Variants in PTPRM observed in about 807,000 individuals in gnomAD.
PTPRM encodes the protein protein tyrosine phosphatase receptor type M, also known as receptor-type tyrosine-protein phosphatase mu.
In PTPRM, 47 loss-of-function variants were observed where a neutral mutation model predicts 186.7. That is an observed-to-expected ratio of 0.25 (90% confidence interval 0.20 to 0.32). The LOEUF (loss-of-function observed/expected upper bound fraction) is 0.32, where lower values mean the gene tolerates loss of function less well. Ranked by LOEUF, PTPRM falls within the 10% of genes least tolerant of loss-of-function variation. The probability of loss-of-function intolerance (pLI) is 1.00; values close to 1 mark genes in which losing one functional copy is unlikely to be tolerated. For synonymous variants in PTPRM, 668 were observed against 674.9 expected, an observed-to-expected ratio of 0.99 and a Z score of 0.16; for missense variants, 1,494 against 1,865.0, an observed-to-expected ratio of 0.80 and a Z score of 3.66.
At chr18:7,889,742 T>TGAGTCATAA (rs111745958) in intron 3 of PTPRM, among the ~76,000 whole-genome samples, 64,331 of 151,478 alleles carry the variant, frequency 0.42, 16,341 homozygotes, top group African/African-American at 0.7. Context: ...CAGGAGTAAA[T>TGAGTCATAA]GAGATGAGCC....
At chr18:8,226,025 A>C (rs757870820) in intron 14 of PTPRM, among the ~76,000 whole-genome samples, 1 of 152,226 alleles carries the variant, frequency 6.6e-6, no homozygotes, top group Non-Finnish European at 1.5e-5. Context: ...ACATTTGAAA[A>C]GATGTGAAAC....
At chr18:8,374,677 G>A (rs571574822) in intron 24 of PTPRM, among the ~76,000 whole-genome samples, 31 of 152,184 alleles carry the variant, frequency 2.0e-4, no homozygotes, top group East Asian at 5.8e-4. Flanking sequence ...GTGAATCCCC[G>A]ACTGCTTAAT....
chr18:7,654,605 T>G (rs905851374), intron 1 of PTPRM, among the ~76,000 whole-genome samples: 1 of 152,192 alleles, frequency 6.6e-6, no homozygotes, highest in African/African-American at 2.4e-5. Context: ...TTTAAAGTCT[T>G]TAATCCATCT....
chr18:8,089,743 A>G (rs973210663), intron 11 of PTPRM, among the ~76,000 whole-genome samples: 22 of 152,108 alleles, frequency 1.4e-4, no homozygotes, highest in African/African-American at 5.3e-4. Flanking sequence ...ACACCTGGCT[A>G]TATTTGATCA....
intron 22 of PTPRM, among the ~76,000 whole-genome samples, chr18:8,333,158 C>T (rs1280771993): frequency 3.9e-5 from 6 of 152,136 alleles, no homozygotes; most frequent in Non-Finnish European, 8.8e-5. Flanking sequence ...CTTAGCAATT[C>T]GGGATAATGA....
chr18:8,137,934 G>A (rs1225138231), intron 13 of PTPRM, among the ~76,000 whole-genome samples: 1 of 152,076 alleles, frequency 6.6e-6, no homozygotes, highest in African/African-American at 2.4e-5. Context: ...CTCCCTGAAG[G>A]AAGAGGCACA....
chr18:7,950,364 C>G (rs1383746950), intron 6 of PTPRM, among the ~76,000 whole-genome samples: 1 of 152,090 alleles, frequency 6.6e-6, no homozygotes, highest in African/African-American at 2.4e-5. Flanking sequence ...TGATTGTGCC[C>G]CTGCATTCCA....
intron 3 of PTPRM, among the ~76,000 whole-genome samples, chr18:7,891,776 G>A (rs1331958681): frequency 6.6e-6 from 1 of 152,134 alleles, no homozygotes; most frequent in Non-Finnish European, 1.5e-5. Flanking sequence ...TTGGGAGGCT[G>A]AGGCACAAGA....
intron 14 of PTPRM, among the ~76,000 whole-genome samples, chr18:8,207,004 T>C (rs1390112590): frequency 6.6e-6 from 1 of 152,162 alleles, no homozygotes; most frequent in Non-Finnish European, 1.5e-5. Flanking sequence ...GGGTCCTTCC[T>C]CTACAGGTTT....
At chr18:8,296,502 C>T in intron 20 of PTPRM, 47 bp downstream of exon 20, 1 of 1,406,636 alleles carries the variant, frequency 7.1e-7, no homozygotes. Flanking sequence ...TTCCTTTTTG[C>T]ATCTAGTAAG....
At chr18:7,910,008 A>C (rs2050181421) in intron 4 of PTPRM, among the ~76,000 whole-genome samples, 1 of 152,210 alleles carries the variant, frequency 6.6e-6, no homozygotes. Context: ...ATAGCTTCCT[A>C]ATGTTGCCTC....
chr18:7,594,749 A>G (rs756739219), intron 1 of PTPRM, among the ~76,000 whole-genome samples: 1 of 150,984 alleles, frequency 6.6e-6, no homozygotes, highest in Non-Finnish European at 1.5e-5. Context: ...TCTTGTCAAT[A>G]TGGCAGAATA....
intron 14 of PTPRM, among the ~76,000 whole-genome samples, chr18:8,194,698 A>G (rs577453198): frequency 5.4e-4 from 82 of 152,342 alleles, no homozygotes; most frequent in African/African-American, 1.9e-3. Context: ...TATTCATCCA[A>G]CATATCCTGT....
At chr18:7,633,746 G>T (rs2038245455) in intron 1 of PTPRM, among the ~76,000 whole-genome samples, 1 of 152,140 alleles carries the variant, frequency 6.6e-6, no homozygotes, top group Admixed American at 6.5e-5. Flanking sequence ...TCTTTTGTCT[G>T]GTTCTCAAGC....
intron 1 of PTPRM, among the ~76,000 whole-genome samples, chr18:7,703,786 T>G (rs2040016756): frequency 6.6e-6 from 1 of 152,196 alleles, no homozygotes; most frequent in Admixed American, 6.5e-5. Flanking sequence ...TTTTGCCCAT[T>G]CAGTATGATA....
At chr18:8,276,414 A>G (rs1043322253) in intron 19 of PTPRM, among the ~76,000 whole-genome samples, 2 of 152,174 alleles carry the variant, frequency 1.3e-5, no homozygotes, top group African/African-American at 4.8e-5. Context: ...AGTAATGCTT[A>G]AGTTTAACAA....
intron 24 of PTPRM, among the ~76,000 whole-genome samples, chr18:8,372,094 T>G (rs1336722776): frequency 8.1e-6 from 1 of 124,000 alleles, no homozygotes; most frequent in African/African-American, 3.1e-5. Context: ...AGACGGAGTC[T>G]CGCTCTGTCG....
chr18:8,195,520 A>C (rs2093765676), intron 14 of PTPRM, among the ~76,000 whole-genome samples: 1 of 152,218 alleles, frequency 6.6e-6, no homozygotes, highest in South Asian at 2.1e-4. Flanking sequence ...TGTATAAAGA[A>C]AGTATGGTAT....
At chr18:7,928,028 C>A (rs1352736242) in intron 5 of PTPRM, among the ~76,000 whole-genome samples, 2 of 152,186 alleles carry the variant, frequency 1.3e-5, no homozygotes, top group South Asian at 4.1e-4. Context: ...AGGTGTGAGC[C>A]ACTGCACCCA....
Sources: allele counts gnomAD v4.1 joint callset (sites outside exome capture counted in the v4.1 genomes callset), GRCh38; gene constraint gnomAD v4.1.1; transcripts MANE v1.5; gene names NCBI Gene and HGNC (gene_info 2026-07-23, HGNC 2026-07-21).